C8orf90: variants seen among roughly 807,000 people sequenced by gnomAD.
C8orf90 encodes the protein uncharacterized protein C8orf90.
chr8:141,518,037 G>A, the C8orf90 span, among the ~76,000 whole-genome samples: 2 of 152,126 alleles, frequency 1.3e-5, no homozygotes, highest in Admixed American at 1.3e-4. Context: ...TGCAGGGCCC[G>A]GCCTCGCCTC....
At chr8:141,515,063 A>C in the C8orf90 span, among the ~76,000 whole-genome samples, 1 of 151,790 alleles carries the variant, frequency 6.6e-6, no homozygotes. Flanking sequence ...GGAGGTGTGC[A>C]GGGTCCTTCT....
chr8:141,516,012 T>C, the C8orf90 span, among the ~76,000 whole-genome samples: 2 of 152,138 alleles, frequency 1.3e-5, no homozygotes, highest in Non-Finnish European at 2.9e-5. Context: ...GAAGAGGACT[T>C]TGCTGGTGCC....
chr8:141,516,756 C>T, the C8orf90 span, among the ~76,000 whole-genome samples: 2 of 152,222 alleles, frequency 1.3e-5, no homozygotes, highest in Non-Finnish European at 2.9e-5. Context: ...GGATCTTCTC[C>T]AGCCTCTGGG....
chr8:141,516,265 C>T, the C8orf90 span, among the ~76,000 whole-genome samples: 10 of 152,220 alleles, frequency 6.6e-5, no homozygotes, highest in African/African-American at 2.2e-4. Flanking sequence ...ACTTCCCTTC[C>T]GTCTCCTGCC....
the C8orf90 span, chr8:141,518,573 C>T: frequency 2.4e-6 from 1 of 425,170 alleles, no homozygotes; most frequent in Admixed American, 4.5e-5. Context: ...TGCGCCCGCG[C>T]GCGGGGCCCG....
the C8orf90 span, chr8:141,514,688 G>C: frequency 5.3e-5 from 37 of 700,898 alleles, no homozygotes; most frequent in African/African-American, 6.5e-4. Flanking sequence ...TGTCTCCCGG[G>C]CTGCTGGCAT....
the C8orf90 span, among the ~76,000 whole-genome samples, chr8:141,515,561 C>CT: frequency 6.6e-6 from 1 of 151,914 alleles, no homozygotes. Context: ...CTGCAGTCCC[C>CT]TTGTCCCCAC....
At chr8:141,518,565 CGCCCGCGCGCGGGGCCCGG>C in the C8orf90 span, 1 of 428,930 alleles carries the variant, frequency 2.3e-6, no homozygotes, top group Non-Finnish European at 4.0e-6. Flanking sequence ...CCCTGAGCTG[CGCCCGCGCGCGGGGCCCGG>C]GCCCGGCCTC....
chr8:141,517,833 C>T, the C8orf90 span, among the ~76,000 whole-genome samples: 126 of 152,330 alleles, frequency 8.3e-4, 1 homozygote, highest in South Asian at 0.021. Context: ...CCTCCTGCCC[C>T]AAGCTGGCCA....
chr8:141,516,761 T>TCTTATCCA, the C8orf90 span, among the ~76,000 whole-genome samples: 1 of 152,224 alleles, frequency 6.6e-6, no homozygotes, highest in Non-Finnish European at 1.5e-5. Flanking sequence ...TTCTCCAGCC[T>TCTTATCCA]CTGGGCTCCA....
At chr8:141,515,473 G>T in the C8orf90 span, among the ~76,000 whole-genome samples, 16 of 149,688 alleles carry the variant, frequency 1.1e-4, no homozygotes, top group Admixed American at 6.6e-5. Flanking sequence ...TCCTATTGGT[G>T]ATTTCTCTCA....
chr8:141,516,742 G>A, the C8orf90 span, among the ~76,000 whole-genome samples: 1 of 152,200 alleles, frequency 6.6e-6, no homozygotes, highest in African/African-American at 2.4e-5. Context: ...GCTCTTGTGT[G>A]AGCGGATCTT....
the C8orf90 span, among the ~76,000 whole-genome samples, chr8:141,515,086 C>T: frequency 6.6e-6 from 1 of 151,670 alleles, no homozygotes; most frequent in Admixed American, 6.6e-5. Context: ...CTCTTTAGGG[C>T]CCCTTCCGGA....
chr8:141,514,856 C>T, the C8orf90 span: 4 of 662,858 alleles, frequency 6.0e-6, no homozygotes, highest in Non-Finnish European at 1.1e-5. Flanking sequence ...GCCCTCTGAC[C>T]CATCTTCCAG....
the C8orf90 span, chr8:141,518,367 G>A: frequency 6.1e-4 from 411 of 676,890 alleles, no homozygotes; most frequent in Non-Finnish European, 1.0e-3. Flanking sequence ...AGAACTTCAC[G>A]CTGCCCTTCC....
At chr8:141,518,430 C>T in the C8orf90 span, 1 of 667,838 alleles carries the variant, frequency 1.5e-6, no homozygotes. Context: ...TCTTCTACGA[C>T]CCCCGCGACC....
chr8:141,515,659 C>T, the C8orf90 span, among the ~76,000 whole-genome samples: 1 of 152,074 alleles, frequency 6.6e-6, no homozygotes, highest in Admixed American at 6.5e-5. Context: ...CAGTGTCTTC[C>T]ACCTGTCTGG....
chr8:141,515,531 C>T, the C8orf90 span, among the ~76,000 whole-genome samples: 1 of 151,812 alleles, frequency 6.6e-6, no homozygotes. Flanking sequence ...CAGCCACCCA[C>T]CCGACAAACT....
chr8:141,518,652 A>T, the C8orf90 span: 1 of 542,246 alleles, frequency 1.8e-6, no homozygotes, highest in East Asian at 3.5e-5. Flanking sequence ...CAGCGCTTCC[A>T]GCGACGGCAC....
Sources: allele counts gnomAD v4.1 joint callset (sites outside exome capture counted in the v4.1 genomes callset), GRCh38; gene constraint gnomAD v4.1.1; transcripts MANE v1.5; gene names NCBI Gene and HGNC (gene_info 2026-07-23, HGNC 2026-07-21).